The following KLRG2 variants were observed in gnomAD, a reference collection of about 807,000 sequenced individuals.
The protein encoded by KLRG2 is killer cell lectin-like receptor subfamily G member 2.
KLRG2 carries 39 observed loss-of-function variants against 35.4 expected under a neutral mutation model. The ratio of observed to expected loss-of-function variants is 1.10; its 90% CI spans 0.85 to 1.44. The LOEUF (loss-of-function observed/expected upper bound fraction) is 1.44, where lower values mean the gene tolerates loss of function less well. KLRG2 is among the 40% of genes most tolerant of loss of function. The pLI, the probability that KLRG2 is intolerant of heterozygous loss-of-function variation, is 0.00. For missense variants in KLRG2, 632 were observed against 570.9 expected (o/e 1.11, Z -1.09); for synonymous variants, 283 against 265.8 (o/e 1.06, Z -0.63).
At chr7:139,477,397 T>C (rs1191459999) in intron 3 of KLRG2, among the ~76,000 whole-genome samples, 1 of 152,070 alleles carries the variant, frequency 6.6e-6, no homozygotes, top group Non-Finnish European at 1.5e-5. Context: ...TATTCAGCCT[T>C]AAAAAGGAAG....
rs145751056 is a variant in KLRG2, at chr7:139,455,890, G to A, written c.1006-1676C>T. Among the ~76,000 whole-genome samples the A allele has an allele frequency of 3.6e-3, 549 of 152,170 alleles. 3 individuals are homozygous for A. The highest frequency in any genetic ancestry group is 0.012 in the African/African-American group (515 of 41,504). On this transcript the variant is annotated intron_variant, in intron 3 of 4. Transcript: ENST00000340940. The stretch of plus-strand genomic sequence containing the variant: ...AAGAAAAACTGGAAACTCCCCAAAC[G>A]CTCAGCAATCAAGAAATAACAAGGT...
the KLRG2 span, among the ~76,000 whole-genome samples, chr7:139,431,280 G>A: frequency 1.4e-4 from 21 of 152,146 alleles, no homozygotes; most frequent in Admixed American, 1.3e-4. Context: ...TGGCAGAGAG[G>A]GAACTTTCTA....
intron 3 of KLRG2, among the ~76,000 whole-genome samples, chr7:139,470,724 C>T (rs888936485): frequency 2.6e-5 from 4 of 151,772 alleles, no homozygotes; most frequent in Non-Finnish European, 5.9e-5. Context: ...CAGGAGAGTT[C>T]GAGGCTGCAG....
intron 3 of KLRG2, among the ~76,000 whole-genome samples, chr7:139,474,014 CTTTTTTTTTT>C (rs751172556): frequency 7.7e-6 from 1 of 129,926 alleles, no homozygotes; most frequent in Middle Eastern, 4.1e-3. Context: ...GTGGCTCAGA[CTTTTTTTTTT>C]TTTTTTTTTT....
At chr7:139,474,781 C>CAAAAT (rs934415175) in intron 3 of KLRG2, among the ~76,000 whole-genome samples, 3 of 151,974 alleles carry the variant, frequency 2.0e-5, no homozygotes, top group Non-Finnish European at 4.4e-5. Flanking sequence ...ATAAATAAAA[C>CAAAAT]AAAATAAAAT....
downstream of KLRG2, among the ~76,000 whole-genome samples, chr7:139,448,115 C>A (rs1197132440): frequency 6.6e-6 from 1 of 152,140 alleles, no homozygotes; most frequent in African/African-American, 2.4e-5. Context: ...CATCTTCAGC[C>A]TCCCAAGCAG....
intron 3 of KLRG2, among the ~76,000 whole-genome samples, chr7:139,458,258 CT>C (rs1487045794): frequency 6.6e-6 from 1 of 151,850 alleles, no homozygotes; most frequent in Admixed American, 6.6e-5. Flanking sequence ...CGCTCCTGTA[CT>C]CCCAGCTACT....
Position 139,453,501 on chromosome 7 carries a change from G to GT in KLRG2, c.*85_*86insA, listed in dbSNP as rs1412196912. ...TGAAGACCTGGATAACTGGGTCCAG[G>GT]AAGAGGCTGCCCAAGCTCTCAACTG... On this transcript the variant is annotated 3_prime_UTR_variant, in exon 5 of 5. Coordinates refer to ENST00000340940, the MANE Select transcript of KLRG2 (RefSeq NM_198508.4). 1 of 1,433,398 alleles carries GT rather than the reference G, an allele frequency of 7.0e-7. No individual in the cohort carries two copies. The highest frequency in any genetic ancestry group is 1.4e-5 in the African/African-American group (1 of 70,576). The allele number at this position is 1,433,398 out of a possible 1,614,324, so 88.8% of individuals were successfully genotyped here. A position where few individuals can be genotyped will look rare whatever the true frequency, so the allele number is the denominator to read the frequency against.
chr7:139,461,646 C>A lies in KLRG2; in HGVS notation c.1006-7432G>T, dbSNP rs879984557. On this transcript the variant is annotated intron_variant, in intron 3 of 4. Coordinates refer to ENST00000340940, the MANE Select transcript of KLRG2 (RefSeq NM_198508.4). ...GCTCATCCTGGCTCAAAAGCTCCCCCACTGAGCACCTTATGACCCCCGCCC... is the reference window on the plus strand; with the variant it reads ...GCTCATCCTGGCTCAAAAGCTCCCCAACTGAGCACCTTATGACCCCCGCCC... 9.8e-5 allele frequency among the ~76,000 whole-genome samples: 15 copies of A among 152,288 alleles called. No homozygotes were observed. In the South Asian group the frequency reaches 3.1e-3, roughly 32 times the overall value.
the KLRG2 span, among the ~76,000 whole-genome samples, chr7:139,443,094 C>A: frequency 1.7e-5 from 2 of 120,584 alleles, no homozygotes; most frequent in Non-Finnish European, 3.3e-5. Context: ...GGAAAAAAAA[C>A]TTTTTTTTTT....
chr7:139,464,313 T>C (rs1796615432), intron 3 of KLRG2, among the ~76,000 whole-genome samples: 1 of 152,222 alleles, frequency 6.6e-6, no homozygotes, highest in African/African-American at 2.4e-5. Context: ...AGCCTGTTAT[T>C]ACTCGCCTGT....
In KLRG2 at chr7:139,453,051, T is replaced by C. The variant is rs1796398093; in HGVS notation, c.*536A>G. 6.3e-6 allele frequency: 1 copy of C among 158,626 alleles called. No individual in the cohort carries two copies. Among genetic ancestry groups the C allele is most frequent in the African/African-American group, 2.4e-5 (1 of 41,580 alleles). 9.8% of individuals were successfully genotyped at this position (158,626 alleles called of 1,614,324 possible). ...GAAGGAAAACCTTGCTCTCCCCTCT[T>C]TCCAGGGCTGACCGCTCCTTTTCCT... is the stretch of plus-strand genomic sequence containing the variant. On this transcript the variant is annotated 3_prime_UTR_variant, in exon 5 of 5. Coordinates refer to ENST00000340940, the MANE Select transcript of KLRG2 (RefSeq NM_198508.4).
chr7:139,444,853 T>A, the KLRG2 span, among the ~76,000 whole-genome samples: 1 of 152,168 alleles, frequency 6.6e-6, no homozygotes, highest in Non-Finnish European at 1.5e-5. Flanking sequence ...ATTTTGCACA[T>A]AAATATGCAG....
At position 139,483,056 on chromosome 7, in the gene KLRG2, C is replaced by A. The variant is rs1796992446; in HGVS notation, c.587G>T (p.Gly196Val). The change falls in exon 1 of 5, where the codon GGC becomes GTC. Residue 196 changes from glycine (G) to valine (V), a missense_variant. Gly to Val is a moderately radical substitution (Grantham distance 109, BLOSUM62 -3). Transcript: ENST00000340940. ...SPLAAARTES[G>V]CDAEGRASPA... ...GCTGGCCCGGCCCTCTGCGTCGCAG[C>A]CGCTCTCCGTCCGGGCTGCAGCCAG... 1 of 1,379,010 alleles carries A rather than the reference C, an allele frequency of 7.3e-7. No homozygotes were observed. The highest frequency in any genetic ancestry group is 9.3e-7 in the Non-Finnish European group (1 of 1,077,252). 85.4% of individuals were successfully genotyped at this position (1,379,010 alleles called of 1,614,324 possible). A position where few individuals can be genotyped will look rare whatever the true frequency, so the allele number is the denominator to read the frequency against.
chr7:139,469,371 G>C (rs1796719312), intron 3 of KLRG2, among the ~76,000 whole-genome samples: 2 of 151,634 alleles, frequency 1.3e-5, no homozygotes, highest in Non-Finnish European at 2.9e-5. Context: ...TGTTGCCCAG[G>C]CTGGTCTTGA....
Position 139,461,611 on chromosome 7 carries a change from C to A in KLRG2, c.1006-7397G>T, listed in dbSNP as rs1427825438. ...ACTGATGACATTACCTTGTGAAATTCCTTCTCCTGGCTCATCCTGGCTCAA... is the reference window on the plus strand; with the variant it reads ...ACTGATGACATTACCTTGTGAAATTACTTCTCCTGGCTCATCCTGGCTCAA... On this transcript the variant is annotated intron_variant, in intron 3 of 4. Transcript: ENST00000340940. Among the ~76,000 whole-genome samples the A allele has an allele frequency of 2.0e-5, 3 of 152,220 alleles. 1 individual carries two copies. Among genetic ancestry groups the A allele is most frequent in the African/African-American group, 4.8e-5 (2 of 41,530 alleles).
intron 3 of KLRG2, among the ~76,000 whole-genome samples, chr7:139,460,857 G>C (rs1454483810): frequency 1.3e-5 from 2 of 152,146 alleles, no homozygotes; most frequent in Non-Finnish European, 2.9e-5. Context: ...TACTTGGGAG[G>C]CTGAGGCACC....
Position 139,483,644 on chromosome 7 carries a change from C to T in KLRG2, c.-2G>A. The T allele has an allele frequency of 6.7e-7, 1 of 1,499,306 alleles. No homozygotes were observed. Among genetic ancestry groups the T allele is most frequent in the Non-Finnish European group, 8.8e-7 (1 of 1,132,520 alleles). The allele number at this position is 1,499,306 out of a possible 1,614,324, so 92.9% of individuals were successfully genotyped here. On this transcript the variant is annotated 5_prime_UTR_variant, in exon 1 of 5. Transcript: ENST00000340940. ...CGCAGCCTCCCAAGACTCCTCCATC[C>T]CGCGCGCCCCGCCACCCGGAGACGC...
At chr7:139,472,019 C>T (rs536363392) in intron 3 of KLRG2, among the ~76,000 whole-genome samples, 27 of 152,312 alleles carry the variant, frequency 1.8e-4, no homozygotes, top group African/African-American at 6.0e-4. Context: ...TTCCTGACCC[C>T]TAATCCCAGG....
Sources: gnomAD v4.1 joint callset for allele counts (sites outside exome capture counted in the v4.1 genomes callset) on GRCh38, gnomAD v4.1.1 for gene constraint, MANE v1.5 for transcripts, NCBI Gene and HGNC (gene_info 2026-07-23, HGNC 2026-07-21) for gene names.